INPP4B: variants seen among roughly 807,000 people sequenced by gnomAD.
The protein encoded by INPP4B is inositol polyphosphate-4-phosphatase type II B.
Under a neutral mutation model 122.5 loss-of-function variants are expected in INPP4B, and 55 were observed. That is an observed-to-expected ratio of 0.45 (90% CI 0.36 to 0.56). The LOEUF (loss-of-function observed/expected upper bound fraction) is 0.56, where lower values mean the gene tolerates loss of function less well. INPP4B is among the 20% of genes least tolerant of loss of function. The probability of loss-of-function intolerance (pLI) is 0.00; values close to 1 mark genes in which losing one functional copy is unlikely to be tolerated. For missense variants in INPP4B, 1,000 were observed against 1,097.7 expected (o/e 0.91, Z 1.26); for synonymous variants, 403 against 388.7 (o/e 1.04, Z -0.43).
intron 7 of INPP4B, among the ~76,000 whole-genome samples, chr4:142,392,341 C>G (rs192839315): frequency 1.3e-5 from 2 of 152,230 alleles, no homozygotes; most frequent in East Asian, 3.9e-4. Flanking sequence ...GTTTATGCCT[C>G]TATGAACAAT....
intron 23 of INPP4B, among the ~76,000 whole-genome samples, chr4:142,103,818 T>C (rs868766284): frequency 1.3e-3 from 191 of 151,474 alleles, no homozygotes; most frequent in African/African-American, 4.3e-3. Context: ...CACACACACA[T>C]ACACACACAC....
intron 5 of INPP4B, chr4:142,423,566 C>G (rs1275041685): frequency 4.9e-6 from 1 of 202,282 alleles, no homozygotes. Flanking sequence ...AGGATAAGCA[C>G]TCCTTATTTA....
intron 9 of INPP4B, among the ~76,000 whole-genome samples, chr4:142,283,545 C>T (rs1193095048): frequency 2.0e-5 from 3 of 152,114 alleles, no homozygotes; most frequent in Non-Finnish European, 2.9e-5. Context: ...GTCTGCTACT[C>T]ACCTAGGCTA....
At chr4:142,483,182 C>CTTTTTTTTTTTTTTTTTTTTTTTTT (rs5862604) in intron 2 of INPP4B, among the ~76,000 whole-genome samples, 4 of 48,334 alleles carry the variant, frequency 8.3e-5, no homozygotes, top group Admixed American at 2.9e-4. Context: ...TCAGGCTATG[C>CTTTTTTTTTTTTTTTTTTTTTTTTT]TTTTTTTTTT....
At chr4:142,132,045 G>T (rs890766758) in intron 18 of INPP4B, among the ~76,000 whole-genome samples, 1 of 151,744 alleles carries the variant, frequency 6.6e-6, no homozygotes, top group Non-Finnish European at 1.5e-5. Context: ...TTTCTCTGTG[G>T]GTGTGAACAT....
intron 2 of INPP4B, among the ~76,000 whole-genome samples, chr4:142,634,496 C>A (rs918346846): frequency 6.6e-5 from 10 of 152,018 alleles, no homozygotes; most frequent in Non-Finnish European, 1.2e-4. Context: ...ACAACACAAC[C>A]AAGTTCAACC....
intron 11 of INPP4B, among the ~76,000 whole-genome samples, chr4:142,257,009 G>A (rs1736540684): frequency 6.6e-6 from 1 of 152,168 alleles, no homozygotes; most frequent in South Asian, 2.1e-4. Flanking sequence ...TATCCACCAT[G>A]ATCAAGTGGG....
In INPP4B at chr4:142,028,174, T is replaced by A. The variant is rs1737616409; in HGVS notation, c.*608A>T. ...AAGGTCTGTTGACCACTTTACTCAC[T>A]CCATGCATATGCCTGTTGCAAGGGA... On this transcript the variant is annotated 3_prime_UTR_variant, in exon 26 of 26. Coordinates refer to ENST00000262992, the MANE Select transcript of INPP4B (RefSeq NM_001101669.3). The A allele has an allele frequency of 4.4e-6, 1 of 229,258 alleles. No individual in the cohort carries two copies. The allele number at this position is 229,258 out of a possible 1,614,324, so 14.2% of individuals were successfully genotyped here. A position where few individuals can be genotyped will look rare whatever the true frequency, so the allele number is the denominator to read the frequency against.
intron 9 of INPP4B, among the ~76,000 whole-genome samples, chr4:142,274,992 A>C (rs545967930): frequency 7.6e-4 from 114 of 150,636 alleles, no homozygotes; most frequent in African/African-American, 2.6e-3. Context: ...TTTCAGCAAC[A>C]CAAATCTACA....
At chr4:142,640,628 A>C (rs1427067061) in intron 2 of INPP4B, among the ~76,000 whole-genome samples, 1 of 152,092 alleles carries the variant, frequency 6.6e-6, no homozygotes, top group Non-Finnish European at 1.5e-5. Flanking sequence ...TAAATTAAAA[A>C]TTTTTATTTA....
intron 2 of INPP4B, among the ~76,000 whole-genome samples, chr4:142,682,180 T>G (rs1490076239): frequency 3.3e-5 from 5 of 151,910 alleles, no homozygotes; most frequent in African/African-American, 4.8e-5. Flanking sequence ...TCTACCAATT[T>G]CCACAATTTC....
At chr4:142,753,391 C>T (rs1770014841) in intron 1 of INPP4B, among the ~76,000 whole-genome samples, 4 of 152,016 alleles carry the variant, frequency 2.6e-5, no homozygotes, top group Admixed American at 2.6e-4. Flanking sequence ...TGTTGGATTA[C>T]TCATACTCTT....
intron 2 of INPP4B, among the ~76,000 whole-genome samples, chr4:142,695,110 TC>T (rs1486476860): frequency 1.3e-5 from 2 of 152,224 alleles, no homozygotes; most frequent in Admixed American, 6.5e-5. Context: ...TAACACTTAT[TC>T]CCATGTAGTA....
In INPP4B at chr4:142,232,028, C is replaced by CT. The variant is rs535708606; in HGVS notation, c.836+5835dup. Among the ~76,000 whole-genome samples the CT allele has an allele frequency of 1.4e-4, 22 of 152,246 alleles. No individual in the cohort carries two copies. In the East Asian group the frequency reaches 3.7e-3, roughly 25 times the overall value. On this transcript the variant is annotated intron_variant, in intron 12 of 25. Transcript: ENST00000262992. ...ATCATGCAAATATTGTCGATGAGTGCTTTTGTATTACAATGGCAGAGCTAA... is the reference window on the plus strand; with the variant it reads ...ATCATGCAAATATTGTCGATGAGTGCTTTTTGTATTACAATGGCAGAGCTAA...
intron 16 of INPP4B, among the ~76,000 whole-genome samples, chr4:142,165,965 T>A (rs1822520254): frequency 6.6e-6 from 1 of 151,754 alleles, no homozygotes; most frequent in Non-Finnish European, 1.5e-5. Flanking sequence ...ATTTTTCTAA[T>A]GGTAAATGAT....
At chr4:142,075,468 G>T (rs10028506) in intron 25 of INPP4B, among the ~76,000 whole-genome samples, 3,775 of 152,064 alleles carry the variant, frequency 0.025, 173 homozygotes, top group African/African-American at 0.087. Context: ...GCTCTAGCAA[G>T]ATTTCCAAAC....
At chr4:142,202,109 CAAAGTAATAGATAA>C (rs1840873452) in intron 14 of INPP4B, among the ~76,000 whole-genome samples, 1 of 151,652 alleles carries the variant, frequency 6.6e-6, no homozygotes, top group Non-Finnish European at 1.5e-5. Flanking sequence ...GCATAGTATC[CAAAGTAATAGATAA>C]AAAGTAATAG....
At chr4:142,447,674 A>G in intron 3 of INPP4B, among the ~76,000 whole-genome samples, 1 of 152,216 alleles carries the variant, frequency 6.6e-6, no homozygotes, top group Non-Finnish European at 1.5e-5. Context: ...GCCTAGTAGA[A>G]AAGTCTGGAG....
intron 7 of INPP4B, among the ~76,000 whole-genome samples, chr4:142,363,828 A>G (rs1786396146): frequency 6.6e-6 from 1 of 152,070 alleles, no homozygotes; most frequent in African/African-American, 2.4e-5. Flanking sequence ...ATGAAAGATA[A>G]GTAGGGGAAG....
Sources: allele counts gnomAD v4.1 joint callset (sites outside exome capture counted in the v4.1 genomes callset), GRCh38; gene constraint gnomAD v4.1.1; transcripts MANE v1.5; gene names NCBI Gene and HGNC (gene_info 2026-07-23, HGNC 2026-07-21).